CCDC180: variants seen among roughly 807,000 people sequenced by gnomAD.
The protein encoded by CCDC180 is coiled-coil domain containing 180.
In CCDC180, 154 loss-of-function variants were observed where a neutral mutation model predicts 209.2. That is an observed-to-expected ratio of 0.74 (90% CI 0.65 to 0.84). CCDC180 has a LOEUF of 0.84. Ranked by LOEUF, CCDC180 falls within the 40% of genes least tolerant of loss-of-function variation. CCDC180 has a pLI of 0.00. For missense variants in CCDC180, 1,874 were observed against 1,997.3 expected, an observed-to-expected ratio of 0.94 and a Z score of 1.18; for synonymous variants, 778 against 749.1, an observed-to-expected ratio of 1.04 and a Z score of -0.63.
intron 18 of CCDC180, 126 bp from the exon 19 acceptor site, chr9:97,343,214 C>T (rs1045922630): frequency 1.7e-5 from 10 of 582,100 alleles, no homozygotes; most frequent in African/African-American, 1.5e-4. Context: ...AAAACCTAGG[C>T]AAGATTCGGC....
Position 97,325,071 on chromosome 9 carries a change from T to C in CCDC180, c.1424T>C (p.Phe475Ser), listed in dbSNP as rs777595452. ...ACAGAGTGGCAGAGTTCACACCTCT[T>C]CAAGTATTTCCAGGAGGTGGTACAA... ...DQTEWQSSHL[F>S]KYFQEVVQLW... Residue 475 changes from phenylalanine to serine, a missense_variant, in exon 14 of 37, where the codon TTC (phenylalanine) becomes TCC (serine). Transcript: ENST00000529487. 2.5e-6 allele frequency: 4 copies of C among 1,613,940 alleles called. No individual in the cohort carries two copies. The Admixed American group carries it at 6.7e-5, about 27-fold the overall frequency.
At chr9:97,317,549 T>G (rs1833217838) in intron 9 of CCDC180, among the ~76,000 whole-genome samples, 1 of 152,178 alleles carries the variant, frequency 6.6e-6, no homozygotes, top group Non-Finnish European at 1.5e-5. Context: ...CTGGAAAACA[T>G]TCATCCAATT....
chr9:97,311,148 C>T (rs947554483), intron 3 of CCDC180, among the ~76,000 whole-genome samples: 28 of 152,312 alleles, frequency 1.8e-4, no homozygotes, highest in Middle Eastern at 3.4e-3. Flanking sequence ...GATACCAGCC[C>T]AGGCCAGGGG....
chr9:97,357,615 C>T lies in CCDC180; in HGVS notation c.3265-12C>T, dbSNP rs537765293. On this transcript the variant is annotated splice_polypyrimidine_tract_variant and intron_variant, in intron 24 of 36. Coordinates refer to ENST00000529487, the MANE Select transcript of CCDC180 (RefSeq NM_020893.6). ...TTCTAGAAACAAAATCTCGGAACCT[C>T]TGGTTTTCTAGGTGGCAAAATCCAA... The T allele has an allele frequency of 6.3e-7, 1 of 1,594,440 alleles. No homozygotes were observed. Among genetic ancestry groups the T allele is most frequent in the Non-Finnish European group, 8.6e-7 (1 of 1,164,166 alleles).
chr9:97,337,921 A>G (rs112556293), intron 18 of CCDC180, among the ~76,000 whole-genome samples: 1,721 of 152,070 alleles, frequency 0.011, 51 homozygotes, highest in African/African-American at 0.04. Context: ...GAATTTATCT[A>G]TTTCTTCTAG....
At chr9:97,328,464 C>CT (rs1193923454) in intron 16 of CCDC180, among the ~76,000 whole-genome samples, 2 of 152,090 alleles carry the variant, frequency 1.3e-5, no homozygotes, top group Non-Finnish European at 1.5e-5. Context: ...TTTAACCCAC[C>CT]TACTCTCCTG....
intron 28 of CCDC180, chr9:97,363,694 T>C (rs1396064749): frequency 2.0e-6 from 1 of 495,610 alleles, no homozygotes; most frequent in Admixed American, 2.4e-5. Flanking sequence ...TGCTGTATTG[T>C]TATGGCTAAA....
chr9:97,354,702 T>G lies in CCDC180; in HGVS notation c.3136T>G (p.Tyr1046Asp). The change falls in exon 23 of 37, where the codon TAC (tyrosine) becomes GAC (aspartate). Residue 1046 changes from tyrosine to aspartate, a missense_variant. Tyr to Asp is a radical substitution (Grantham distance 160). Transcript: ENST00000529487. ...MLNMEKLENE[Y>D]LDQANDVINK... ...CAACATGGAGAAGTTGGAGAATGAGTACCTGGACCAGGTAGGGCCCCCAGC... is the reference window on the plus strand; with the variant it reads ...CAACATGGAGAAGTTGGAGAATGAGGACCTGGACCAGGTAGGGCCCCCAGC... The G allele has an allele frequency of 6.2e-7, 1 of 1,614,196 alleles. No individual in the cohort carries two copies. Among genetic ancestry groups the G allele is most frequent in the Non-Finnish European group, 8.5e-7 (1 of 1,180,048 alleles).
In CCDC180 at chr9:97,357,932, C is replaced by A. The variant is rs150891039; in HGVS notation, c.3363+207C>A. On this transcript the variant is annotated intron_variant, in intron 25 of 36. Coordinates refer to ENST00000529487, the MANE Select transcript of CCDC180 (RefSeq NM_020893.6). ...GAAAGCAGCCACTGTTCACCTCCAACCCCTCCCAGGCAAGCATGGAGCAGC... is the reference window on the plus strand; with the variant it reads ...GAAAGCAGCCACTGTTCACCTCCAAACCCTCCCAGGCAAGCATGGAGCAGC... The A allele has an allele frequency of 7.8e-4, 377 of 483,384 alleles. 1 individual carries two copies. The highest frequency in any genetic ancestry group is 1.3e-3 in the Non-Finnish European group (343 of 273,910). 29.9% of individuals were successfully genotyped at this position (483,384 alleles called of 1,614,324 possible).
At chr9:97,324,001 T>C (rs1352335877) in intron 13 of CCDC180, 98 bp downstream of exon 13, 6 of 1,380,462 alleles carry the variant, frequency 4.3e-6, no homozygotes, top group Non-Finnish European at 5.9e-6. Context: ...CCAACTTGCA[T>C]GTTCCTAGTG....
In CCDC180 at chr9:97,362,886, T is replaced by G. The variant is rs7862835; in HGVS notation, c.3902+445T>G. Among the ~76,000 whole-genome samples, 201 of 152,334 alleles carry G rather than the reference T, an allele frequency of 1.3e-3. 1 individual carries two copies. Among genetic ancestry groups the G allele is most frequent in the African/African-American group, 3.9e-3 (163 of 41,582 alleles). On this transcript the variant is annotated intron_variant, in intron 28 of 36. Coordinates refer to ENST00000529487, the MANE Select transcript of CCDC180 (RefSeq NM_020893.6). Reference sequence around the variant, plus strand: ...GTTGACATGGGTTTGTTCCTGGTTTTGAGAAGGCAAGGGGAATCCCTGCTT... The same window carrying G: ...GTTGACATGGGTTTGTTCCTGGTTTGGAGAAGGCAAGGGGAATCCCTGCTT...
intron 11 of CCDC180, among the ~76,000 whole-genome samples, chr9:97,322,049 G>C (rs1833374894): frequency 6.6e-6 from 1 of 152,146 alleles, no homozygotes; most frequent in South Asian, 2.1e-4. Context: ...GATGATGTCA[G>C]GGGGCGCAAA....
intron 20 of CCDC180, 63 bp downstream of exon 20, chr9:97,347,552 C>T (rs1053835692): frequency 1.4e-5 from 21 of 1,461,044 alleles, no homozygotes; most frequent in African/African-American, 1.3e-4. Context: ...TCTGCTCCAC[C>T]GCGGCTCCAT....
chr9:97,368,962 T>C (rs1169534907), intron 31 of CCDC180, among the ~76,000 whole-genome samples: 1 of 152,148 alleles, frequency 6.6e-6, no homozygotes, highest in African/African-American at 2.4e-5. Context: ...AATATACTTC[T>C]AGTTAAATAA....
intron 24 of CCDC180, among the ~76,000 whole-genome samples, chr9:97,357,185 C>T (rs1041562537): frequency 2.0e-5 from 3 of 152,180 alleles, no homozygotes; most frequent in African/African-American, 4.8e-5. Flanking sequence ...CATGACCTTT[C>T]TACGGCTCTC....
intron 31 of CCDC180, chr9:97,369,621 A>C (rs1827020825): frequency 4.3e-6 from 1 of 235,066 alleles, no homozygotes; most frequent in African/African-American, 2.3e-5. Flanking sequence ...CTAATGTTTA[A>C]ATATTTTTTT....
In CCDC180 at chr9:97,322,980, TC is replaced by T. The variant is rs1833407629; in HGVS notation, c.1248+62del. 5 of 1,410,598 alleles carry T rather than the reference TC, an allele frequency of 3.5e-6. No individual in the cohort carries two copies. The African/African-American group carries it at 7.1e-5, about 20-fold the overall frequency. The allele number at this position is 1,410,598 out of a possible 1,614,324, so 87.4% of individuals were successfully genotyped here. A position where few individuals can be genotyped will look rare whatever the true frequency, so the allele number is the denominator to read the frequency against. ...ATCCTGGGCAGGACCTGAAGTGCCT[TC>T]CCTGGCCCCATACCCACTGCCTTCC... On this transcript the variant is annotated intron_variant, in intron 12 of 36. Transcript: ENST00000529487.
chr9:97,368,956 T>C (rs551133723), intron 31 of CCDC180, among the ~76,000 whole-genome samples: 1 of 152,228 alleles, frequency 6.6e-6, no homozygotes, highest in East Asian at 1.9e-4. Context: ...TAGAATAATA[T>C]ACTTCTAGTT....
chr9:97,326,422 G>A, intron 14 of CCDC180, 132 bp from the exon 15 acceptor site: 1 of 667,136 alleles, frequency 1.5e-6, no homozygotes, highest in South Asian at 1.8e-5. Context: ...TACCCCATTT[G>A]TAGAAAGGAA....
Sources: allele counts gnomAD v4.1 joint callset (sites outside exome capture counted in the v4.1 genomes callset), GRCh38; gene constraint gnomAD v4.1.1; transcripts MANE v1.5; gene names NCBI Gene and HGNC (gene_info 2026-07-23, HGNC 2026-07-21).